The following CARMIL1 variants were observed in gnomAD, a reference collection of about 807,000 sequenced individuals.
The protein encoded by CARMIL1 is F-actin-uncapping protein LRRC16A.
Under a neutral mutation model 177.1 loss-of-function variants are expected in CARMIL1, and 90 were observed. The ratio of observed to expected loss-of-function variants is 0.51; its 90% CI spans 0.43 to 0.61. The LOEUF (loss-of-function observed/expected upper bound fraction) is 0.61. Among genes scored for constraint, CARMIL1 ranks in the 20% least tolerant of loss-of-function variants. CARMIL1 has a pLI of 0.00. For missense variants in CARMIL1, 1,380 were observed against 1,667.0 expected (o/e 0.83, Z 3.00); for synonymous variants, 577 against 606.2 (o/e 0.95, Z 0.71).
intron 2 of CARMIL1, among the ~76,000 whole-genome samples, chr6:25,341,057 T>C (rs1209797204): frequency 6.6e-6 from 1 of 152,138 alleles, no homozygotes; most frequent in African/African-American, 2.4e-5. Flanking sequence ...CATGTTAATA[T>C]ACTGTGTGTC....
intron 2 of CARMIL1, among the ~76,000 whole-genome samples, chr6:25,309,968 C>T (rs1783650981): frequency 6.6e-6 from 1 of 151,918 alleles, no homozygotes; most frequent in Non-Finnish European, 1.5e-5. Context: ...TGGGGCTTCA[C>T]CTCCTTGGCC....
intron 2 of CARMIL1, among the ~76,000 whole-genome samples, chr6:25,336,903 T>C (rs976481879): frequency 6.6e-6 from 1 of 152,214 alleles, no homozygotes; most frequent in Non-Finnish European, 1.5e-5. Flanking sequence ...ACTTTATATT[T>C]TCCTCAGAGT....
At chr6:25,337,513 T>G (rs1314296551) in intron 2 of CARMIL1, among the ~76,000 whole-genome samples, 1 of 152,234 alleles carries the variant, frequency 6.6e-6, no homozygotes, top group Non-Finnish European at 1.5e-5. Context: ...GTAATTGTCT[T>G]GTCACACAAT....
intron 2 of CARMIL1, among the ~76,000 whole-genome samples, chr6:25,399,712 A>G (rs932139921): frequency 4.6e-5 from 7 of 152,164 alleles, no homozygotes; most frequent in African/African-American, 1.4e-4. Context: ...GTGTAAATCA[A>G]ATTATGCCTG....
intron 2 of CARMIL1, among the ~76,000 whole-genome samples, chr6:25,325,485 C>A (rs1264422637): frequency 6.6e-6 from 1 of 152,130 alleles, no homozygotes; most frequent in East Asian, 1.9e-4. Flanking sequence ...ATTTTTTCCC[C>A]TACAGTTTTC....
At position 25,554,506 on chromosome 6, in the gene CARMIL1, A is replaced by G. The variant is rs1168032639; in HGVS notation, c.2592+410A>G. Among the ~76,000 whole-genome samples, 1 of 152,230 alleles carries G rather than the reference A, an allele frequency of 6.6e-6. No individual in the cohort carries two copies. The highest frequency in any genetic ancestry group is 1.9e-4 in the East Asian group (1 of 5,208). Reference sequence around the variant, plus strand: ...AAAAATATTTGAATAAAGAAAGTGCAAGAACAAAATGGGCATAATTTAGTA... The same window carrying G: ...AAAAATATTTGAATAAAGAAAGTGCGAGAACAAAATGGGCATAATTTAGTA... On this transcript the variant is annotated intron_variant, in intron 28 of 36. Transcript: ENST00000329474. This position sits in a 1 kb window ranked among gnomAD's most constrained non-coding sequence, Gnocchi z 4.6.
At chr6:25,309,880 C>T (rs781381725) in intron 2 of CARMIL1, among the ~76,000 whole-genome samples, 22 of 151,190 alleles carry the variant, frequency 1.5e-4, no homozygotes, top group Non-Finnish European at 2.8e-4. Flanking sequence ...AGGGATTCTC[C>T]TGTCTCAGCT....
intron 17 of CARMIL1, among the ~76,000 whole-genome samples, chr6:25,502,008 A>C (rs1295282552): frequency 6.6e-6 from 1 of 151,264 alleles, no homozygotes; most frequent in Non-Finnish European, 1.5e-5. Context: ...AAAAAAAAAA[A>C]AAAACCCAAA....
At chr6:25,557,133 A>AAAT (rs1467406196) in intron 29 of CARMIL1, among the ~76,000 whole-genome samples, 1 of 152,204 alleles carries the variant, frequency 6.6e-6, no homozygotes, top group African/African-American at 2.4e-5. Context: ...AAATATCTTC[A>AAAT]AATAAAATTA....
At chr6:25,514,714 G>T (rs946062592) in intron 20 of CARMIL1, among the ~76,000 whole-genome samples, 1 of 152,096 alleles carries the variant, frequency 6.6e-6, no homozygotes, top group African/African-American at 2.4e-5. Flanking sequence ...TTGAGCCTGG[G>T]AGTTCAAGAC....
chr6:25,538,745 T>C (rs1808574589), intron 25 of CARMIL1, among the ~76,000 whole-genome samples: 1 of 152,176 alleles, frequency 6.6e-6, no homozygotes. Context: ...ATGAGGTGAC[T>C]CTTCCTGTGC....
chr6:25,474,283 AT>A (rs879384730), intron 11 of CARMIL1, among the ~76,000 whole-genome samples: 438 of 136,124 alleles, frequency 3.2e-3, no homozygotes, highest in Admixed American at 4.0e-3. Flanking sequence ...AATTTTTTGT[AT>A]TTTTTTTTTT....
intron 22 of CARMIL1, among the ~76,000 whole-genome samples, chr6:25,519,255 A>G (rs1273408306): frequency 6.6e-6 from 1 of 152,186 alleles, no homozygotes; most frequent in African/African-American, 2.4e-5. Context: ...CTACTGTGCA[A>G]TTTTAATGTC....
rs1475675750 is a variant in CARMIL1, at chr6:25,509,152, G to A, written c.1396-504G>A. 6.6e-6 allele frequency among the ~76,000 whole-genome samples: 1 copy of A among 152,098 alleles called. No homozygotes were observed. Among genetic ancestry groups the A allele is most frequent in the East Asian group, 1.9e-4 (1 of 5,194 alleles). On this transcript the variant is annotated intron_variant, in intron 17 of 36. Transcript: ENST00000329474. The surrounding 1 kb of genome is among the most constrained non-coding windows in gnomAD (Gnocchi z 4.1). ...TAGCTAATATCTGCCTTATGAGTGA[G>A]AACTCACACTCATGTCTTAGAACAG...
At chr6:25,482,921 G>T (rs1447734162) in intron 12 of CARMIL1, among the ~76,000 whole-genome samples, 2 of 151,884 alleles carry the variant, frequency 1.3e-5, no homozygotes, top group Admixed American at 1.3e-4. Context: ...TGCATTCTTT[G>T]TGCCTTTGTG....
At chr6:25,372,393 C>T (rs541323898) in intron 2 of CARMIL1, among the ~76,000 whole-genome samples, 1 of 151,204 alleles carries the variant, frequency 6.6e-6, no homozygotes, top group South Asian at 2.1e-4. Flanking sequence ...ATATTTTTTC[C>T]ATTTGTTTGT....
At chr6:25,429,800 TA>T (rs1340217660) in intron 4 of CARMIL1, among the ~76,000 whole-genome samples, 1 of 145,376 alleles carries the variant, frequency 6.9e-6, no homozygotes, top group Non-Finnish European at 1.5e-5. Flanking sequence ...GAATATCAAA[TA>T]TTTGATTCCT....
intron 2 of CARMIL1, among the ~76,000 whole-genome samples, chr6:25,353,884 G>A (rs1234609545): frequency 6.6e-6 from 1 of 152,188 alleles, no homozygotes; most frequent in Non-Finnish European, 1.5e-5. Context: ...TAGTCTAAGA[G>A]TGCTTCTCCG....
intron 8 of CARMIL1, among the ~76,000 whole-genome samples, chr6:25,459,267 T>TCTTTCTTTCTTTCTTTCTTTCTTTC (rs1799884909): frequency 9.1e-6 from 1 of 109,468 alleles, no homozygotes; most frequent in African/African-American, 3.4e-5. Context: ...TCTTTCTTTC[T>TCTTTCTTTCTTTCTTTCTTTCTTTC]TTTTTTTTTT....
Sources: allele counts gnomAD v4.1 joint callset (sites outside exome capture counted in the v4.1 genomes callset), GRCh38; gene constraint gnomAD v4.1.1; non-coding constraint Gnocchi (gnomAD v3.1); transcripts MANE v1.5; gene names NCBI Gene and HGNC (gene_info 2026-07-23, HGNC 2026-07-21).